Variants in SLC23A2 observed in about 807,000 individuals in gnomAD.
The protein encoded by SLC23A2 is solute carrier family 23 member 2.
In SLC23A2, 36 loss-of-function variants were observed where a neutral mutation model predicts 73.3. The observed-to-expected ratio is 0.49, with a 90% CI of 0.38 to 0.65. The LOEUF is 0.65. Among genes scored for constraint, SLC23A2 ranks in the 30% least tolerant of loss-of-function variants. The pLI is 0.00. For missense variants in SLC23A2, 507 were observed against 841.6 expected (o/e 0.60, Z 4.92); for synonymous variants, 343 against 327.3 (o/e 1.05, Z -0.52).
At chr20:4,940,692 CAG>C (rs1459884706) in intron 2 of SLC23A2, among the ~76,000 whole-genome samples, 1 of 152,184 alleles carries the variant, frequency 6.6e-6, no homozygotes, top group Non-Finnish European at 1.5e-5. Context: ...TTACATAACA[CAG>C]GGTGAACATC....
intron 2 of SLC23A2, among the ~76,000 whole-genome samples, chr20:4,969,315 C>A (rs149676816): frequency 6.6e-6 from 1 of 151,894 alleles, no homozygotes; most frequent in East Asian, 1.9e-4. Context: ...TCTTGAACTC[C>A]GGACCTCAGG....
At position 4,902,916 on chromosome 20, in the gene SLC23A2, G is replaced by C. The variant is rs140036860; in HGVS notation, c.208-358C>G. On this transcript the variant is annotated intron_variant, in intron 4 of 16. Transcript: ENST00000338244. The surrounding 1 kb of genome is among the most constrained non-coding windows in gnomAD (Gnocchi z 4.0). ...ACCTTGGCACGAGCAGTCCTTGCGT[G>C]AGACCCCAGATGAAAAAAATCTTAG... Among the ~76,000 whole-genome samples the C allele has an allele frequency of 4.3e-3, 659 of 152,078 alleles. 2 individuals are homozygous for C. The highest frequency in any genetic ancestry group is 0.015 in the African/African-American group (607 of 41,460).
chr20:4,880,385 A>C (rs1473691441), intron 9 of SLC23A2, among the ~76,000 whole-genome samples: 1 of 152,134 alleles, frequency 6.6e-6, no homozygotes, highest in Non-Finnish European at 1.5e-5. Flanking sequence ...ATTAGTTCAC[A>C]ACCTGCTCAC....
chr20:4,897,556 G>A (rs1477724674), intron 6 of SLC23A2, among the ~76,000 whole-genome samples: 1 of 152,206 alleles, frequency 6.6e-6, no homozygotes, highest in African/African-American at 2.4e-5. Context: ...CCAGTAGGGT[G>A]TCAAATCCCT....
intron 1 of SLC23A2, among the ~76,000 whole-genome samples, chr20:4,988,729 C>T (rs1199055539): frequency 2.6e-5 from 3 of 114,064 alleles, no homozygotes; most frequent in East Asian, 5.8e-4. Context: ...AGAGAGACTT[C>T]GTCTCAAAAA....
At chr20:4,881,776 C>T (rs1242288492) in intron 9 of SLC23A2, among the ~76,000 whole-genome samples, 2 of 152,154 alleles carry the variant, frequency 1.3e-5, no homozygotes, top group African/African-American at 4.8e-5. Flanking sequence ...CTTGAGAACA[C>T]CTCTGGCTAC....
At chr20:4,944,575 T>G (rs2087089072) in intron 2 of SLC23A2, among the ~76,000 whole-genome samples, 1 of 152,204 alleles carries the variant, frequency 6.6e-6, no homozygotes, top group Non-Finnish European at 1.5e-5. Flanking sequence ...AATATTCTCA[T>G]GCTAGAGGTC....
At chr20:4,881,676 C>T (rs1399876353) in intron 9 of SLC23A2, among the ~76,000 whole-genome samples, 1 of 152,088 alleles carries the variant, frequency 6.6e-6, no homozygotes, top group Non-Finnish European at 1.5e-5. Flanking sequence ...ATTCGTTCCC[C>T]CTGCTTTTAC....
intron 2 of SLC23A2, among the ~76,000 whole-genome samples, chr20:4,944,854 C>T (rs2087093400): frequency 6.6e-6 from 1 of 152,192 alleles, no homozygotes; most frequent in Non-Finnish European, 1.5e-5. Context: ...GGATTATAAT[C>T]AAACTGTGGC....
chr20:4,902,639 C>A lies in SLC23A2; in HGVS notation c.208-81G>T. On this transcript the variant is annotated intron_variant, in intron 4 of 16. Coordinates refer to ENST00000338244, the MANE Select transcript of SLC23A2 (RefSeq NM_005116.6). This position sits in a 1 kb window ranked among gnomAD's most constrained non-coding sequence, Gnocchi z 4.0. ...CTCGGCCATGTACAGGCCACTATTACAGAAAAACAACTTTATCAAGTGGTT... is the reference window on the plus strand; with the variant it reads ...CTCGGCCATGTACAGGCCACTATTAAAGAAAAACAACTTTATCAAGTGGTT... 3.0e-6 allele frequency: 2 copies of A among 662,146 alleles called. No homozygotes were observed. Among genetic ancestry groups the A allele is most frequent in the Non-Finnish European group, 5.1e-6 (2 of 392,322 alleles). The allele number at this position is 662,146 out of a possible 1,614,324, so 41.0% of individuals were successfully genotyped here. A position where few individuals can be genotyped will look rare whatever the true frequency, so the allele number is the denominator to read the frequency against.
At chr20:4,989,385 G>A (rs1195744638) in intron 1 of SLC23A2, among the ~76,000 whole-genome samples, 1 of 152,026 alleles carries the variant, frequency 6.6e-6, no homozygotes, top group East Asian at 1.9e-4. Context: ...TTCTGATTTT[G>A]GAATATTTGC....
At chr20:4,938,636 C>T (rs901453978) in intron 2 of SLC23A2, among the ~76,000 whole-genome samples, 1 of 152,192 alleles carries the variant, frequency 6.6e-6, no homozygotes, top group Non-Finnish European at 1.5e-5. Context: ...CTCATTCCAT[C>T]TTGATGGCTC....
intron 13 of SLC23A2, among the ~76,000 whole-genome samples, chr20:4,867,057 T>TAAAAA (rs71197732): frequency 1.7e-4 from 13 of 76,482 alleles, no homozygotes; most frequent in South Asian, 6.5e-4. Flanking sequence ...AAGCGATCCC[T>TAAAAA]AAAAAAAAAA....
At chr20:4,952,806 C>A (rs1487600944) in intron 2 of SLC23A2, among the ~76,000 whole-genome samples, 1 of 152,024 alleles carries the variant, frequency 6.6e-6, no homozygotes, top group African/African-American at 2.4e-5. Context: ...AGGTGGATCA[C>A]GAGGTCAGGA....
At chr20:4,935,186 C>CAAAAAAAAAAAAAAAAAA in intron 2 of SLC23A2, among the ~76,000 whole-genome samples, 1 of 68,134 alleles carries the variant, frequency 1.5e-5, no homozygotes, top group Non-Finnish European at 2.8e-5. Flanking sequence ...GACTCCGTCT[C>CAAAAAAAAAAAAAAAAAA]AAAAAAAAAA....
chr20:4,907,316 C>T (rs1016627263), intron 4 of SLC23A2, among the ~76,000 whole-genome samples: 5 of 152,058 alleles, frequency 3.3e-5, no homozygotes, highest in African/African-American at 1.2e-4. Flanking sequence ...CACGGCTTTC[C>T]ACCTGGTCAC....
At chr20:4,986,271 G>T (rs915620394) in intron 1 of SLC23A2, among the ~76,000 whole-genome samples, 1 of 152,058 alleles carries the variant, frequency 6.6e-6, no homozygotes, top group African/African-American at 2.4e-5. Context: ...AGACTAGCCT[G>T]GGCAACATAG....
At chr20:4,927,425 T>C (rs1932713475) in intron 3 of SLC23A2, among the ~76,000 whole-genome samples, 1 of 152,176 alleles carries the variant, frequency 6.6e-6, no homozygotes. Context: ...TATCTTCCTC[T>C]GCCAGCTCTG....
rs558029496 is a variant in SLC23A2, at chr20:4,883,455, C to T, written c.824+187G>A. Among the ~76,000 whole-genome samples, 9 of 152,194 alleles carry T rather than the reference C, an allele frequency of 5.9e-5. No homozygotes were observed. The highest frequency in any genetic ancestry group is 5.9e-4 in the Admixed American group (9 of 15,292). On this transcript the variant is annotated intron_variant, in intron 9 of 16. Coordinates refer to ENST00000338244, the MANE Select transcript of SLC23A2 (RefSeq NM_005116.6). The surrounding 1 kb of genome is among the most constrained non-coding windows in gnomAD (Gnocchi z 4.5). Reference sequence around the variant, plus strand: ...TGCTGCTAAGTCTGTCTTTGTAATACGTCAACTATATGTCACTTCCCAAAC... The same window carrying T: ...TGCTGCTAAGTCTGTCTTTGTAATATGTCAACTATATGTCACTTCCCAAAC...
Sources: allele counts gnomAD v4.1 joint callset (sites outside exome capture counted in the v4.1 genomes callset), GRCh38; gene constraint gnomAD v4.1.1; non-coding constraint Gnocchi (gnomAD v3.1); transcripts MANE v1.5; gene names NCBI Gene and HGNC (gene_info 2026-07-23, HGNC 2026-07-21).